HSPG2: variants seen among roughly 807,000 people sequenced by gnomAD.
HSPG2 encodes the protein heparan sulfate proteoglycan 2.
In HSPG2, 278 loss-of-function variants were observed where a neutral mutation model predicts 526.6. The ratio of observed to expected loss-of-function variants is 0.53; its 90% CI spans 0.48 to 0.58. The LOEUF (loss-of-function observed/expected upper bound fraction) is 0.58, where lower values mean the gene tolerates loss of function less well. Among genes scored for constraint, HSPG2 ranks in the 20% least tolerant of loss-of-function variants. The pLI is 0.00. For synonymous variants in HSPG2, 2,465 were observed against 2,555.4 expected (o/e 0.96, Z 1.07); for missense variants, 5,354 against 6,099.5 (o/e 0.88, Z 4.07).
chr1:21,875,559 C>T (rs1017426800), intron 25 of HSPG2, 70 bp downstream of exon 25: 3 of 1,144,264 alleles, frequency 2.6e-6, no homozygotes, highest in African/African-American at 1.5e-5. Flanking sequence ...AGTGGCTGTG[C>T]TGTACTGCAC....
chr1:21,875,783 C>G (rs370484893), intron 24 of HSPG2, 36 bp from the exon 25 acceptor site: 5 of 1,605,532 alleles, frequency 3.1e-6, no homozygotes, highest in Non-Finnish European at 3.4e-6. Context: ...CAGCCCCTGA[C>G]GTCCTGGAGT....
rs1209597796 is a variant in HSPG2 at position 21,823,270 on chromosome 1, T to A, written c.*46A>T. On this transcript the variant is annotated 3_prime_UTR_variant, in exon 97 of 97. Transcript: ENST00000374695. ...ATTAATAATAATATACTCGACATTG[T>A]CGGGCTGGGGCGTGGCCCGGGAGTC... is the stretch of plus-strand genomic sequence containing the variant. The A allele has an allele frequency of 7.0e-7, 1 of 1,431,952 alleles. No homozygotes were observed. Among genetic ancestry groups the A allele is most frequent in the East Asian group, 2.5e-5 (1 of 39,938 alleles). 88.7% of individuals were successfully genotyped at this position (1,431,952 alleles called of 1,614,324 possible). A position where few individuals can be genotyped will look rare whatever the true frequency, so the allele number is the denominator to read the frequency against.
At position 21,842,691 on chromosome 1, in the gene HSPG2, G is replaced by A; in HGVS notation, c.8910+79C>T. 3 of 1,581,102 alleles carry A rather than the reference G, an allele frequency of 1.9e-6. No individual in the cohort carries two copies. The South Asian group carries it at 3.3e-5, about 17-fold the overall frequency. Reference sequence around the variant, plus strand: ...GGGGTCCCCAAGCAGGCTGGTGTTTGCATGAGGTTTGGGTACAGAAAGCAA... The same window carrying A: ...GGGGTCCCCAAGCAGGCTGGTGTTTACATGAGGTTTGGGTACAGAAAGCAA... On this transcript the variant is annotated intron_variant, in intron 67 of 96. Coordinates refer to ENST00000374695, the MANE Select transcript of HSPG2 (RefSeq NM_005529.7).
rs1171057475 is a variant in HSPG2 at position 21,895,249 on chromosome 1, C to T, written c.244+673G>A. On this transcript the variant is annotated intron_variant, in intron 3 of 96. Coordinates refer to ENST00000374695, the MANE Select transcript of HSPG2 (RefSeq NM_005529.7). This position sits in a 1 kb window ranked among gnomAD's most constrained non-coding sequence, Gnocchi z 4.1. ...TAGGAACCATAAAGAGCCACAGGGC[C>T]TTGTCCTGGGGTAGGTCCTTCTCCA... 6.6e-6 allele frequency among the ~76,000 whole-genome samples: 1 copy of T among 152,196 alleles called. No individual in the cohort carries two copies. The highest frequency in any genetic ancestry group is 1.5e-5 in the Non-Finnish European group (1 of 68,018).
Position 21,895,931 on chromosome 1 carries a change from AGTCCCCGCTGCCCAG to A in HSPG2, c.220_234del (p.Leu74_Asp78del), listed in dbSNP as rs767090392. 4 of 1,614,076 alleles carry A rather than the reference AGTCCCCGCTGCCCAG, an allele frequency of 2.5e-6. No individual in the cohort carries two copies. Among genetic ancestry groups the A allele is most frequent in the East Asian group, 2.2e-5 (1 of 44,866 alleles). On this transcript the variant is annotated inframe_deletion, in exon 3 of 97. Coordinates refer to ENST00000374695, the MANE Select transcript of HSPG2 (RefSeq NM_005529.7). This position sits in a 1 kb window ranked among gnomAD's most constrained non-coding sequence, Gnocchi z 4.1. The stretch of plus-strand genomic sequence containing the variant: ...GCCTGCAGCAACTTACCCATCTGGA[AGTCCCCGCTGCCCAG>A]GTCCCCACTGCCCAGGTCGTCTATA...
intron 70 of HSPG2, 33 bp from the exon 71 acceptor site, chr1:21,841,318 G>A (rs2152705326): frequency 6.2e-7 from 1 of 1,611,842 alleles, no homozygotes; most frequent in East Asian, 2.2e-5. Flanking sequence ...CTGACACACA[G>A]GCAGGGCTCT....
intron 1 of HSPG2, among the ~76,000 whole-genome samples, chr1:21,927,998 C>T (rs1233497885): frequency 6.6e-6 from 1 of 152,250 alleles, no homozygotes; most frequent in Non-Finnish European, 1.5e-5. Flanking sequence ...TTAGTGCAAT[C>T]ACGGATTGTC....
At position 21,841,649 on chromosome 1, in the gene HSPG2, C is replaced by A. The variant is rs2098048938; in HGVS notation, c.9218G>T (p.Gly3073Val). The change falls in exon 70 of 97, where the codon GGC becomes GTC. Residue 3073 changes from glycine (G) to valine (V), a missense_variant. By Grantham distance (109) the Gly-to-Val change is moderately radical (BLOSUM62 -3). Transcript: ENST00000374695. ...LEDNVHISPNGSIITIVGTRP... is the reference protein window; with the variant it reads ...LEDNVHISPNVSIITIVGTRP... The stretch of plus-strand genomic sequence containing the variant: ...GGTGCCCACGATGGTGATGATGGAG[C>A]CATTGGGACTGATGTGGACGTTGTC... The A allele has an allele frequency of 1.9e-6, 3 of 1,614,120 alleles. No homozygotes were observed. Among genetic ancestry groups the A allele is most frequent in the Non-Finnish European group, 1.7e-6 (2 of 1,180,018 alleles).
intron 33 of HSPG2, chr1:21,869,394 T>C (rs1363343837): frequency 5.2e-6 from 5 of 967,254 alleles, no homozygotes; most frequent in Non-Finnish European, 4.9e-6. Flanking sequence ...ATTGGTGAAG[T>C]TGGTTCAGAA....
chr1:21,842,375 A>G lies in HSPG2; in HGVS notation c.8916T>C (p.His2972=), dbSNP rs1346449024. The part of the protein sequence containing the change: ...GGSLPARHQT[H]GSQLRLHLVS... ...CGAGGTGGAGCCGCAGCTGGGAGCCATGGGTCTGTCAGAGCAGCGAGGGGA... is the reference window on the plus strand; with the variant it reads ...CGAGGTGGAGCCGCAGCTGGGAGCCGTGGGTCTGTCAGAGCAGCGAGGGGA... The change falls in exon 68 of 97, where the codon CAT becomes CAC. Residue 2972 remains histidine (H), a synonymous_variant. Transcript: ENST00000374695. 2.5e-6 allele frequency: 4 copies of G among 1,606,784 alleles called. No homozygotes were observed. The African/African-American group carries it at 4.0e-5, about 16-fold the overall frequency.
At chr1:21,881,711 G>A (rs1557777156) in intron 13 of HSPG2, among the ~76,000 whole-genome samples, 1 of 152,120 alleles carries the variant, frequency 6.6e-6, no homozygotes. Flanking sequence ...GAGAGGCTGA[G>A]GCGGGCAGAT....
intron 1 of HSPG2, among the ~76,000 whole-genome samples, chr1:21,897,941 C>T (rs1572401883): frequency 6.6e-6 from 1 of 152,196 alleles, no homozygotes; most frequent in East Asian, 1.9e-4. Flanking sequence ...GTGACCTCAA[C>T]CCCAGTCTGG....
Position 21,879,251 on chromosome 1 carries a change from A to G in HSPG2, c.2344-130T>C, listed in dbSNP as rs1641325709. The G allele has an allele frequency of 3.9e-6, 4 of 1,013,260 alleles. No homozygotes were observed. The Admixed American group carries it at 5.9e-5, about 15-fold the overall frequency. 62.8% of individuals were successfully genotyped at this position (1,013,260 alleles called of 1,614,324 possible). On this transcript the variant is annotated intron_variant, in intron 17 of 96. Transcript: ENST00000374695. ...GGCACAGCTTTGCAGACAGGGGAGC[A>G]TCAACTGCAACCACTTATAGATGAT...
At chr1:21,833,179 G>T in intron 80 of HSPG2, 89 bp downstream of exon 80, 1 of 1,084,492 alleles carries the variant, frequency 9.2e-7, no homozygotes, top group Non-Finnish European at 1.4e-6. Context: ...GGACTGAGGG[G>T]CAGCCAGGGC....
At position 21,880,419 on chromosome 1, in the gene HSPG2, A is replaced by G; in HGVS notation, c.2139T>C (p.Asp713=). 6.2e-7 allele frequency: 1 copy of G among 1,614,028 alleles called. No individual in the cohort carries two copies. ...ASVGLSDIAM[D]TTVTHATSHG... ...GGCTGGTGGCATGGGTGACGGTGGTATCCATGGCGATGTCGCTAAGTCCCA... is the reference window on the plus strand; with the variant it reads ...GGCTGGTGGCATGGGTGACGGTGGTGTCCATGGCGATGTCGCTAAGTCCCA... Residue 713 remains aspartate (D), a synonymous_variant, in exon 16 of 97, where the codon GAT becomes GAC. Coordinates refer to ENST00000374695, the MANE Select transcript of HSPG2 (RefSeq NM_005529.7).
In HSPG2 at chr1:21,847,390, C is replaced by T. The variant is rs763037780; in HGVS notation, c.8128G>A (p.Val2710Ile). 1.3e-5 allele frequency: 21 copies of T among 1,613,824 alleles called. No individual in the cohort carries two copies. In the African/African-American group the frequency reaches 1.5e-4, roughly 11 times the overall value. ...CCGGCGCTAGGGGAGACGGAGATGACGATGGAGGCCTCCAGGGCATCGATG... is the reference window on the plus strand; with the variant it reads ...CCGGCGCTAGGGGAGACGGAGATGATGATGGAGGCCTCCAGGGCATCGATG... ...NNIDALEASIVISVSPSAGSP... is the reference protein window; with the variant it reads ...NNIDALEASIIISVSPSAGSP... Residue 2710 changes from valine (V) to isoleucine (I), a missense_variant, in exon 62 of 97, where the codon GTC becomes ATC. Physicochemically the swap from Val to Ile is conservative, Grantham distance 29 (BLOSUM62 3). Transcript: ENST00000374695. This position sits in a 1 kb window ranked among gnomAD's most constrained non-coding sequence, Gnocchi z 4.1.
rs2097988912 is a variant in HSPG2, at chr1:21,828,858, G to A, written c.12214C>T (p.His4072Tyr). The change falls in exon 88 of 97, where the codon CAC (histidine) becomes TAC (tyrosine). Residue 4072 changes from histidine to tyrosine, a missense_variant. His to Tyr is a moderately conservative substitution (Grantham distance 83). Transcript: ENST00000374695. The surrounding 1 kb of genome is among the most constrained non-coding windows in gnomAD (Gnocchi z 6.0). ...ACCTCGCCCACACAGCCGCGGAAGT[G>A]AGCGCTCATGTTGGTGGCCGGGGAC... ...PLSPATNMSA[H>Y]FRGCVGEVSV... 1 of 1,551,246 alleles carries A rather than the reference G, an allele frequency of 6.4e-7. No individual in the cohort carries two copies. Among genetic ancestry groups the A allele is most frequent in the African/African-American group, 1.4e-5 (1 of 73,054 alleles).
intron 1 of HSPG2, among the ~76,000 whole-genome samples, chr1:21,933,036 A>G (rs1644385126): frequency 6.6e-6 from 1 of 152,108 alleles, no homozygotes; most frequent in South Asian, 2.1e-4. Flanking sequence ...CTGGGGGAAC[A>G]TGGCAAAACC....
Position 21,843,575 on chromosome 1 carries a change from G to T in HSPG2, c.8617-137C>A. ...TTGGAGGCGACCCCTTTGACAGTCC[G>T]CATTGTGGAGGGCATGTTTATTATG... On this transcript the variant is annotated intron_variant, in intron 65 of 96. Transcript: ENST00000374695. 3.6e-6 allele frequency: 3 copies of T among 826,872 alleles called. No individual in the cohort carries two copies. The East Asian group carries it at 8.1e-5, about 22-fold the overall frequency. The allele number at this position is 826,872 out of a possible 1,614,324, so 51.2% of individuals were successfully genotyped here.
Sources: gnomAD v4.1 joint callset for allele counts (sites outside exome capture counted in the v4.1 genomes callset) on GRCh38, gnomAD v4.1.1 for gene constraint, Gnocchi (gnomAD v3.1) non-coding constraint, MANE v1.5 for transcripts, NCBI Gene and HGNC (gene_info 2026-07-23, HGNC 2026-07-21) for gene names.